The following GPC6 variants were observed in gnomAD, a reference collection of about 807,000 sequenced individuals.
GPC6 encodes glypican 6, also known as glypican-6.
A neutral mutation model predicts 55.2 loss-of-function variants in GPC6; 14 were observed. The ratio of observed to expected loss-of-function variants is 0.25; its 90% CI spans 0.17 to 0.40. GPC6 has a LOEUF of 0.40. Among genes scored for constraint, GPC6 ranks in the 10% least tolerant of loss-of-function variants. The pLI is 1.00. For missense variants in GPC6, 641 were observed against 708.5 expected (o/e 0.90, Z 1.08); for synonymous variants, 278 against 259.6 (o/e 1.07, Z -0.68).
chr13:93,522,876 T>C (rs1266879421), intron 1 of GPC6, among the ~76,000 whole-genome samples: 2 of 151,942 alleles, frequency 1.3e-5, no homozygotes, highest in African/African-American at 4.8e-5. Context: ...GCTACTTGGC[T>C]GCACATTTCA....
At chr13:93,709,355 G>A (rs16949127) in intron 2 of GPC6, among the ~76,000 whole-genome samples, 1,634 of 151,726 alleles carry the variant, frequency 0.011, 32 homozygotes, top group African/African-American at 0.036. Context: ...CATTCCTTCC[G>A]TATAGAGATT....
intron 6 of GPC6, among the ~76,000 whole-genome samples, chr13:94,335,958 A>G (rs1330780093): frequency 1.3e-5 from 2 of 148,590 alleles, no homozygotes; most frequent in Non-Finnish European, 3.0e-5. Flanking sequence ...GGGTGTAGAG[A>G]GGAGAGTCAG....
At chr13:93,344,424 C>T (rs2139155287) in intron 1 of GPC6, among the ~76,000 whole-genome samples, 1 of 152,256 alleles carries the variant, frequency 6.6e-6, no homozygotes, top group African/African-American at 2.4e-5. Flanking sequence ...GTGTTTTCTT[C>T]CTTATCTCTC....
intron 2 of GPC6, among the ~76,000 whole-genome samples, chr13:93,754,833 C>G (rs1884717242): frequency 6.6e-6 from 1 of 152,146 alleles, no homozygotes; most frequent in South Asian, 2.1e-4. Context: ...CCAAATTGGT[C>G]TGGAATCCAC....
intron 6 of GPC6, among the ~76,000 whole-genome samples, chr13:94,342,293 T>C (rs1342994519): frequency 6.6e-6 from 1 of 152,198 alleles, no homozygotes; most frequent in Non-Finnish European, 1.5e-5. Flanking sequence ...TAATTGAGAA[T>C]AGGGTCTTTG....
intron 4 of GPC6, among the ~76,000 whole-genome samples, chr13:94,103,699 T>C (rs1481340033): frequency 1.3e-5 from 2 of 152,246 alleles, no homozygotes; most frequent in African/African-American, 4.8e-5. Flanking sequence ...GAGAAGTGTC[T>C]GTTCATATCC....
intron 2 of GPC6, among the ~76,000 whole-genome samples, chr13:93,549,247 A>G (rs546037390): frequency 6.6e-6 from 1 of 152,242 alleles, no homozygotes; most frequent in South Asian, 2.1e-4. Flanking sequence ...GCAACAATAA[A>G]CAAAAGCATA....
At chr13:94,389,366 G>C (rs1379283398) in intron 7 of GPC6, among the ~76,000 whole-genome samples, 1 of 152,162 alleles carries the variant, frequency 6.6e-6, no homozygotes, top group Non-Finnish European at 1.5e-5. Context: ...ACAGAAGCTA[G>C]AAAAGAATGA....
At chr13:94,331,389 C>T (rs1017150427) in intron 6 of GPC6, among the ~76,000 whole-genome samples, 2 of 152,136 alleles carry the variant, frequency 1.3e-5, no homozygotes, top group African/African-American at 2.4e-5. Flanking sequence ...TGATTTACAG[C>T]AACCCCTAAA....
chr13:93,877,964 C>T (rs149047875), intron 3 of GPC6, among the ~76,000 whole-genome samples: 2 of 152,092 alleles, frequency 1.3e-5, no homozygotes, highest in African/African-American at 4.8e-5. Flanking sequence ...TCAGAGGGAA[C>T]ATTGTAAATT....
At chr13:94,046,547 A>G (rs867891156) in intron 4 of GPC6, among the ~76,000 whole-genome samples, 11 of 152,072 alleles carry the variant, frequency 7.2e-5, no homozygotes, top group Middle Eastern at 3.2e-3. Context: ...ATCTGACTAA[A>G]TGTAATGGAA....
intron 1 of GPC6, among the ~76,000 whole-genome samples, chr13:93,278,418 T>C (rs72635674): frequency 0.26 from 39,472 of 152,112 alleles, 5,406 homozygotes; most frequent in African/African-American, 0.35. Flanking sequence ...CCATTAAACA[T>C]GGATTCTCCC....
intron 3 of GPC6, among the ~76,000 whole-genome samples, chr13:93,986,344 C>T (rs1167353966): frequency 6.6e-6 from 1 of 152,100 alleles, no homozygotes; most frequent in Non-Finnish European, 1.5e-5. Flanking sequence ...AAATGCATTT[C>T]AAGGCCAATG....
chr13:94,236,758 G>A (rs902841540), intron 4 of GPC6, among the ~76,000 whole-genome samples: 7 of 152,074 alleles, frequency 4.6e-5, no homozygotes, highest in African/African-American at 1.4e-4. Flanking sequence ...AGTATTTCCT[G>A]AGAACATACT....
At chr13:93,859,205 C>G (rs1051296059) in intron 3 of GPC6, among the ~76,000 whole-genome samples, 3 of 151,592 alleles carry the variant, frequency 2.0e-5, no homozygotes, top group Non-Finnish European at 4.4e-5. Context: ...CAGTATCTAT[C>G]TTTTAAAAAT....
chr13:93,655,695 T>C (rs1244444751), intron 2 of GPC6, among the ~76,000 whole-genome samples: 1 of 152,142 alleles, frequency 6.6e-6, no homozygotes, highest in Non-Finnish European at 1.5e-5. Context: ...AAAAGTACAA[T>C]GGCAACTAGT....
At chr13:94,214,993 T>C (rs1294071498) in intron 4 of GPC6, among the ~76,000 whole-genome samples, 2 of 152,226 alleles carry the variant, frequency 1.3e-5, no homozygotes, top group Non-Finnish European at 2.9e-5. Context: ...CCCCTTTTCT[T>C]AAAGATGTGC....
intron 1 of GPC6, among the ~76,000 whole-genome samples, chr13:93,437,464 A>G (rs1023274169): frequency 6.6e-6 from 1 of 152,250 alleles, no homozygotes; most frequent in Non-Finnish European, 1.5e-5. Context: ...TCCAGTGAAC[A>G]CACACATGAT....
At chr13:93,352,371 A>G (rs979706075) in intron 1 of GPC6, among the ~76,000 whole-genome samples, 2 of 152,146 alleles carry the variant, frequency 1.3e-5, no homozygotes, top group African/African-American at 4.8e-5. Flanking sequence ...AGCAATGGGG[A>G]TTGTTTAAGG....
Sources: gnomAD v4.1 joint callset for allele counts (sites outside exome capture counted in the v4.1 genomes callset) on GRCh38, gnomAD v4.1.1 for gene constraint, MANE v1.5 for transcripts, NCBI Gene and HGNC (gene_info 2026-07-23, HGNC 2026-07-21) for gene names.